Variants in UNC13B observed in about 807,000 individuals in gnomAD.
UNC13B encodes the protein protein unc-13 homolog B.
Under a neutral mutation model 211.0 loss-of-function variants are expected in UNC13B, and 144 were observed. That is an observed-to-expected ratio of 0.68 (90% CI 0.60 to 0.78). The LOEUF (loss-of-function observed/expected upper bound fraction) is 0.78. Among genes scored for constraint, UNC13B ranks in the 30% least tolerant of loss-of-function variants. The pLI, the probability that UNC13B is intolerant of heterozygous loss-of-function variation, is 0.00. For missense variants in UNC13B, 1,777 were observed against 2,002.0 expected, an observed-to-expected ratio of 0.89 and a Z score of 2.14; for synonymous variants, 709 against 725.8, an observed-to-expected ratio of 0.98 and a Z score of 0.37.
chr9:35,378,220 A>G, intron 16 of UNC13B, 75 bp from the exon 17 acceptor site: 1 of 1,585,296 alleles, frequency 6.3e-7, no homozygotes, highest in Non-Finnish European at 8.6e-7. Context: ...CTGCTCTAAG[A>G]TGGAAAGCAT....
intron 1 of UNC13B, among the ~76,000 whole-genome samples, chr9:35,218,136 C>G (rs1824362667): frequency 6.6e-6 from 1 of 152,108 alleles, no homozygotes; most frequent in Non-Finnish European, 1.5e-5. Context: ...GGCTCTTTCT[C>G]TCACCAGGTT....
chr9:35,338,069 C>T (rs137982189), intron 11 of UNC13B, among the ~76,000 whole-genome samples: 8 of 152,234 alleles, frequency 5.3e-5, no homozygotes, highest in African/African-American at 1.7e-4. Flanking sequence ...ACTTTAGGAC[C>T]GGCATTAGTC....
chr9:35,375,953 C>A (rs1456162383), intron 14 of UNC13B, 75 bp from the exon 15 acceptor site: 8 of 1,485,598 alleles, frequency 5.4e-6, no homozygotes, highest in Non-Finnish European at 7.5e-6. Context: ...GCACTCCAGC[C>A]TGGGCAACAG....
chr9:35,234,842 A>C (rs926834821), intron 3 of UNC13B, among the ~76,000 whole-genome samples: 1 of 152,152 alleles, frequency 6.6e-6, no homozygotes, highest in Non-Finnish European at 1.5e-5. Flanking sequence ...TCTATATCTC[A>C]AACTTGTGAA....
At chr9:35,246,848 C>A (rs1564090703) in intron 6 of UNC13B, among the ~76,000 whole-genome samples, 1 of 151,940 alleles carries the variant, frequency 6.6e-6, no homozygotes, top group Non-Finnish European at 1.5e-5. Flanking sequence ...TTTTTTGGTT[C>A]CATATGAACT....
chr9:35,397,644 A>T lies in UNC13B; in HGVS notation c.11686A>T (p.Lys3896Ter). The T allele has an allele frequency of 6.2e-7, 1 of 1,613,650 alleles. No individual in the cohort carries two copies. Among genetic ancestry groups the T allele is most frequent in the Non-Finnish European group, 8.5e-7 (1 of 1,179,852 alleles). The change falls in exon 30 of 40, where the codon AAG (lysine) becomes TAG (stop). Residue 3896 changes from lysine (K) to a stop codon, truncating the protein, a stop_gained. Transcript: ENST00000635942. LOFTEE classifies it high-confidence loss of function. ...TTTCTCCTCTTCTCAGACCATCGGG[A>T]AGGTGCTGATGCAGTATGCAGACAT... is the stretch of plus-strand genomic sequence containing the variant. ...YMRRFAKTIG[K>*]VLMQYADILS...
At chr9:35,314,030 T>C in intron 11 of UNC13B, 41 bp downstream of exon 11, 1 of 1,524,656 alleles carries the variant, frequency 6.6e-7, no homozygotes, top group Non-Finnish European at 9.1e-7. Context: ...CAATTTTTCC[T>C]TTGAAATTGG....
intron 1 of UNC13B, among the ~76,000 whole-genome samples, chr9:35,171,763 A>G (rs1466704980): frequency 6.6e-6 from 1 of 152,174 alleles, no homozygotes; most frequent in Non-Finnish European, 1.5e-5. Context: ...TGTGTGTGGC[A>G]GTTAGTTCAT....
chr9:35,166,117 C>T (rs1821026413), intron 1 of UNC13B, among the ~76,000 whole-genome samples: 1 of 152,092 alleles, frequency 6.6e-6, no homozygotes. Flanking sequence ...CGTGGTGGCT[C>T]TTGCCTGTAA....
At chr9:35,221,882 G>A (rs865955277) in intron 1 of UNC13B, among the ~76,000 whole-genome samples, 7 of 152,126 alleles carry the variant, frequency 4.6e-5, no homozygotes, top group Non-Finnish European at 8.8e-5. Flanking sequence ...TATGAATATC[G>A]AATTTTTCAG....
Position 35,380,455 on chromosome 9 carries a change from C to G in UNC13B, c.10206-15C>G, listed in dbSNP as rs764487631. The G allele has an allele frequency of 1.2e-5, 19 of 1,612,858 alleles. No individual in the cohort carries two copies. Among genetic ancestry groups the G allele is most frequent in the Non-Finnish European group, 1.5e-5 (18 of 1,179,098 alleles). ...TGGGTCTGCCCCTAACAGAGCCTGC[C>G]TAATTCTCTCACAGTGAGTGCCACA... On this transcript the variant is annotated splice_polypyrimidine_tract_variant and intron_variant, in intron 17 of 39. Coordinates refer to ENST00000635942, the MANE Select transcript of UNC13B (RefSeq NM_001371189.2).
At chr9:35,393,080 C>A (rs568610166) in intron 26 of UNC13B, among the ~76,000 whole-genome samples, 18 of 152,278 alleles carry the variant, frequency 1.2e-4, no homozygotes, top group East Asian at 3.9e-4. Flanking sequence ...CTGTGCCTGG[C>A]TCTGTGCTGG....
intron 1 of UNC13B, among the ~76,000 whole-genome samples, chr9:35,214,231 C>T (rs1433452650): frequency 6.6e-6 from 1 of 152,066 alleles, no homozygotes; most frequent in African/African-American, 2.4e-5. Context: ...AGTTGGTGAC[C>T]ATCCTGACTA....
At chr9:35,184,554 A>G (rs1475124992) in intron 1 of UNC13B, among the ~76,000 whole-genome samples, 10 of 152,130 alleles carry the variant, frequency 6.6e-5, no homozygotes, top group Non-Finnish European at 4.4e-5. Context: ...CCAAACATAC[A>G]AAAACCAGTC....
intron 7 of UNC13B, among the ~76,000 whole-genome samples, chr9:35,267,542 GA>G (rs753586281): frequency 7.2e-5 from 11 of 152,186 alleles, no homozygotes; most frequent in Non-Finnish European, 1.2e-4. Flanking sequence ...GTCTTCATGG[GA>G]CAGGGGCAAG....
Position 35,389,929 on chromosome 9 carries a change from A to C in UNC13B, c.11178A>C (p.Ser3726=). Residue 3726 remains serine, a synonymous_variant, in exon 25 of 40, where the codon TCA becomes TCC. Transcript: ENST00000635942. The part of the protein sequence containing the change: ...FWPKLITLIV[S]IIEEDKNSYT... ...CCAAGCTCATCACACTCATCGTGTC[A>C]ATCATAGAGGAAGATAAGAATTCCT... 6.2e-7 allele frequency: 1 copy of C among 1,614,136 alleles called. No individual in the cohort carries two copies. The highest frequency in any genetic ancestry group is 8.5e-7 in the Non-Finnish European group (1 of 1,179,998).
At chr9:35,371,165 A>G (rs1475219114) in intron 13 of UNC13B, among the ~76,000 whole-genome samples, 1 of 151,314 alleles carries the variant, frequency 6.6e-6, no homozygotes, top group Non-Finnish European at 1.5e-5. Context: ...TTTTCTCTCT[A>G]TTCTATCTAT....
chr9:35,330,786 A>G (rs1831325016), intron 11 of UNC13B, among the ~76,000 whole-genome samples: 1 of 152,174 alleles, frequency 6.6e-6, no homozygotes. Flanking sequence ...CTGGTGAATT[A>G]TAGGATGTCA....
intron 21 of UNC13B, among the ~76,000 whole-genome samples, chr9:35,383,974 A>C (rs1270499582): frequency 6.6e-6 from 1 of 152,204 alleles, no homozygotes. Context: ...ATATAGAAGG[A>C]GCCATTTCTC....
Sources: gnomAD v4.1 joint callset for allele counts (sites outside exome capture counted in the v4.1 genomes callset) on GRCh38, gnomAD v4.1.1 for gene constraint, MANE v1.5 for transcripts, NCBI Gene and HGNC (gene_info 2026-07-23, HGNC 2026-07-21) for gene names.